KLRF1: variants seen among roughly 807,000 people sequenced by gnomAD.
KLRF1 encodes killer cell lectin like receptor F1.
KLRF1 carries 27 observed loss-of-function variants against 30.7 expected under a neutral mutation model. The observed-to-expected ratio is 0.88, with a 90% CI of 0.65 to 1.21. The LOEUF (loss-of-function observed/expected upper bound fraction) is 1.21. Among genes scored for constraint, KLRF1 ranks in the 50% most tolerant of loss-of-function variants. The pLI, the probability that KLRF1 is intolerant of heterozygous loss-of-function variation, is 0.00. For missense variants in KLRF1, 246 were observed against 259.3 expected (o/e 0.95, Z 0.35); for synonymous variants, 92 against 89.3 (o/e 1.03, Z -0.17).
the KLRF1 span, among the ~76,000 whole-genome samples, chr12:9,805,621 G>T: frequency 2.0e-5 from 3 of 151,980 alleles, no homozygotes; most frequent in African/African-American, 7.3e-5. Context: ...TTAATAATTG[G>T]TAGAATTCAC....
intron 3 of KLRF1, 29 bp from the exon 4 acceptor site, chr12:9,841,783 T>G: frequency 6.4e-7 from 1 of 1,564,248 alleles, no homozygotes; most frequent in South Asian, 1.2e-5. Context: ...GTAATTTAAT[T>G]TCATTTTGTT....
chr12:9,832,656 A>AGTGTGTGT (rs58686028), intron 2 of KLRF1, among the ~76,000 whole-genome samples: 615 of 146,706 alleles, frequency 4.2e-3, no homozygotes, highest in Non-Finnish European at 6.0e-3. Context: ...GTATGTGTAG[A>AGTGTGTGT]GTGTGTGTGT....
chr12:9,805,822 T>C, the KLRF1 span, among the ~76,000 whole-genome samples: 1 of 152,098 alleles, frequency 6.6e-6, no homozygotes, highest in East Asian at 1.9e-4. Context: ...GTATTACTCC[T>C]TTACAATTCT....
At chr12:9,838,080 C>G (rs1011736013) in intron 3 of KLRF1, among the ~76,000 whole-genome samples, 13 of 152,128 alleles carry the variant, frequency 8.5e-5, no homozygotes, top group African/African-American at 3.1e-4. Context: ...TACATGACAA[C>G]AGTGCCAGTC....
At chr12:9,807,413 T>C in the KLRF1 span, among the ~76,000 whole-genome samples, 1 of 152,128 alleles carries the variant, frequency 6.6e-6, no homozygotes, top group African/African-American at 2.4e-5. Context: ...TTTCTTTGTT[T>C]CTCAGGTATC....
intron 3 of KLRF1, among the ~76,000 whole-genome samples, chr12:9,835,265 C>T (rs974541962): frequency 1.3e-5 from 2 of 151,888 alleles, no homozygotes; most frequent in African/African-American, 4.8e-5. Context: ...AGACCTTGTG[C>T]GAGGCAAAAC....
intron 3 of KLRF1, among the ~76,000 whole-genome samples, chr12:9,840,119 T>G (rs1867669350): frequency 6.6e-6 from 1 of 152,156 alleles, no homozygotes; most frequent in South Asian, 2.1e-4. Context: ...ACATATTGTA[T>G]GATTCCATTT....
rs1867772808 is a variant in KLRF1, at chr12:9,844,591, T to C, written c.*65T>C. On this transcript the variant is annotated 3_prime_UTR_variant, in exon 6 of 6. Coordinates refer to ENST00000617889, the MANE Select transcript of KLRF1 (RefSeq NM_016523.3). ...ATTTTTGGCCTATTAGTTTCTAATATTAATCTCCAGGTGTAAGATTTTAAA... is the reference window on the plus strand; with the variant it reads ...ATTTTTGGCCTATTAGTTTCTAATACTAATCTCCAGGTGTAAGATTTTAAA... 1 of 836,788 alleles carries C rather than the reference T, an allele frequency of 1.2e-6. No individual in the cohort carries two copies. 51.8% of individuals were successfully genotyped at this position (836,788 alleles called of 1,614,324 possible).
At chr12:9,811,612 C>T in the KLRF1 span, among the ~76,000 whole-genome samples, 1 of 151,970 alleles carries the variant, frequency 6.6e-6, no homozygotes, top group Non-Finnish European at 1.5e-5. Flanking sequence ...AGATATTAGG[C>T]GGAATTGGAT....
chr12:9,828,084 A>AT (rs60102859), intron 1 of KLRF1, among the ~76,000 whole-genome samples: 2,050 of 146,300 alleles, frequency 0.014, 28 homozygotes, highest in African/African-American at 0.033. Flanking sequence ...TTTTAATGCT[A>AT]TTTTTTTTTT....
chr12:9,823,688 A>G (rs61245333), upstream of KLRF1, among the ~76,000 whole-genome samples: 2,123 of 151,832 alleles, frequency 0.014, 41 homozygotes, highest in African/African-American at 0.049. Flanking sequence ...CAAAAAGATC[A>G]ACAAATCCAG....
At chr12:9,804,579 G>T in the KLRF1 span, among the ~76,000 whole-genome samples, 3 of 151,866 alleles carry the variant, frequency 2.0e-5, no homozygotes, top group Non-Finnish European at 4.4e-5. Flanking sequence ...GTTACTTTAG[G>T]TTGTTGATTT....
rs757327752 is a variant in KLRF1, at chr12:9,844,409, C to G, written c.588-9C>G. On this transcript the variant is annotated splice_polypyrimidine_tract_variant and intron_variant, in intron 5 of 5. Transcript: ENST00000617889. Reference sequence around the variant, plus strand: ...GTGATTAACAAAGTATTTATTCTCTCTTCCCTAGATTCTTCATAAAGGGAC... The same window carrying G: ...GTGATTAACAAAGTATTTATTCTCTGTTCCCTAGATTCTTCATAAAGGGAC... 1.2e-5 allele frequency: 18 copies of G among 1,446,242 alleles called. No homozygotes were observed. Among genetic ancestry groups the G allele is most frequent in the Non-Finnish European group, 1.7e-5 (18 of 1,029,236 alleles). 89.6% of individuals were successfully genotyped at this position (1,446,242 alleles called of 1,614,324 possible).
chr12:9,821,786 G>C, the KLRF1 span, among the ~76,000 whole-genome samples: 1 of 152,224 alleles, frequency 6.6e-6, no homozygotes, highest in African/African-American at 2.4e-5. Flanking sequence ...GAGGCAGCAT[G>C]GCTGCAACTG....
chr12:9,809,579 T>C, the KLRF1 span, among the ~76,000 whole-genome samples: 1 of 152,274 alleles, frequency 6.6e-6, no homozygotes, highest in East Asian at 1.9e-4. Context: ...ACAGCTGTCA[T>C]ATTGATGTTA....
At chr12:9,832,520 T>C in intron 2 of KLRF1, 106 bp downstream of exon 2, 1 of 676,326 alleles carries the variant, frequency 1.5e-6, no homozygotes, top group South Asian at 1.9e-5. Flanking sequence ...TTAACCAAGA[T>C]TGAATTAGAA....
chr12:9,832,538 C>A (rs1867456487), intron 2 of KLRF1, 124 bp downstream of exon 2: 7 of 621,990 alleles, frequency 1.1e-5, no homozygotes, highest in Admixed American at 2.8e-5. Flanking sequence ...GAAGCTACTG[C>A]ATGTAAAGCT....
At chr12:9,837,307 T>C (rs1274752677) in intron 3 of KLRF1, among the ~76,000 whole-genome samples, 6 of 151,872 alleles carry the variant, frequency 4.0e-5, no homozygotes, top group East Asian at 3.9e-4. Context: ...CCATTGTGCA[T>C]GTATATCTAT....
the KLRF1 span, among the ~76,000 whole-genome samples, chr12:9,802,973 A>G: frequency 3.0e-4 from 45 of 152,290 alleles, no homozygotes; most frequent in African/African-American, 1.1e-3. Context: ...TAAATTTTAT[A>G]TGGAACCAAA....
Sources: allele counts gnomAD v4.1 joint callset (sites outside exome capture counted in the v4.1 genomes callset), GRCh38; gene constraint gnomAD v4.1.1; transcripts MANE v1.5; gene names NCBI Gene and HGNC (gene_info 2026-07-23, HGNC 2026-07-21).